The following CSMD3 variants were observed in gnomAD, a reference collection of about 807,000 sequenced individuals.
The protein encoded by CSMD3 is CUB and Sushi multiple domains 3, also known as CUB and sushi domain-containing protein 3.
CSMD3 carries 177 observed loss-of-function variants against 435.2 expected under a neutral mutation model. The ratio of observed to expected loss-of-function variants is 0.41; its 90% CI spans 0.36 to 0.46. CSMD3 has a LOEUF of 0.46. Among genes scored for constraint, CSMD3 ranks in the 20% least tolerant of loss-of-function variants. CSMD3 has a pLI of 0.34. For synonymous variants in CSMD3, 1,656 were observed against 1,520.5 expected, an observed-to-expected ratio of 1.09 and a Z score of -2.07; for missense variants, 4,265 against 4,504.6, an observed-to-expected ratio of 0.95 and a Z score of 1.52.
At chr8:113,020,601 A>T (rs186235804) in intron 5 of CSMD3, among the ~76,000 whole-genome samples, 24 of 152,352 alleles carry the variant, frequency 1.6e-4, no homozygotes, top group African/African-American at 5.5e-4. Flanking sequence ...GTTTCTTAAT[A>T]ACACGTTCTT....
Position 113,305,852 on chromosome 8 carries a change from T to A in CSMD3, c.401+8719A>T, listed in dbSNP as rs1464055626. ...AAATTTTAATTGGCTTTTTTTCTAA[T>A]TCACTTGCATGCCCAATGCCCAATG... On this transcript the variant is annotated intron_variant, in intron 2 of 70. Transcript: ENST00000297405. Among the ~76,000 whole-genome samples the A allele has an allele frequency of 3.3e-5, 5 of 152,226 alleles. No individual in the cohort carries two copies. The East Asian group carries it at 9.6e-4, about 29-fold the overall frequency.
intron 63 of CSMD3, among the ~76,000 whole-genome samples, chr8:112,252,467 C>T (rs1247638229): frequency 6.6e-6 from 1 of 151,842 alleles, no homozygotes; most frequent in Non-Finnish European, 1.5e-5. Context: ...CTGGACATAC[C>T]TGCACAGTAA....
chr8:112,320,221 T>C (rs973382379), intron 45 of CSMD3, among the ~76,000 whole-genome samples: 3 of 152,156 alleles, frequency 2.0e-5, no homozygotes, highest in Non-Finnish European at 4.4e-5. Context: ...GTCCTTCTTG[T>C]TATGTGGTTC....
At chr8:113,182,672 C>A (rs2092439389) in intron 3 of CSMD3, among the ~76,000 whole-genome samples, 1 of 152,002 alleles carries the variant, frequency 6.6e-6, no homozygotes, top group African/African-American at 2.4e-5. Flanking sequence ...TGCCCTCAGG[C>A]CATCAGGGAC....
chr8:113,203,633 C>A (rs566885375), intron 3 of CSMD3, among the ~76,000 whole-genome samples: 4 of 151,850 alleles, frequency 2.6e-5, no homozygotes, highest in African/African-American at 9.7e-5. Context: ...ACCACTGAAG[C>A]GTTTATAGTG....
intron 3 of CSMD3, among the ~76,000 whole-genome samples, chr8:113,236,533 C>G (rs953389833): frequency 3.3e-5 from 5 of 152,056 alleles, no homozygotes; most frequent in African/African-American, 1.2e-4. Flanking sequence ...TCTCTCTCTC[C>G]TGTTGATGTA....
At chr8:112,640,737 C>T (rs1168507067) in intron 20 of CSMD3, among the ~76,000 whole-genome samples, 1 of 151,532 alleles carries the variant, frequency 6.6e-6, no homozygotes, top group Admixed American at 6.6e-5. Flanking sequence ...GGGATTTTGA[C>T]ATAGTAAAGA....
intron 10 of CSMD3, among the ~76,000 whole-genome samples, chr8:112,889,096 G>A (rs544371791): frequency 1.1e-4 from 17 of 151,666 alleles, no homozygotes; most frequent in African/African-American, 4.1e-4. Flanking sequence ...TCTCTAATGG[G>A]AAAAAGGAAA....
intron 32 of CSMD3, among the ~76,000 whole-genome samples, chr8:112,441,876 G>C (rs537923386): frequency 1.3e-5 from 2 of 152,264 alleles, no homozygotes; most frequent in South Asian, 4.1e-4. Flanking sequence ...TTACAATTCA[G>C]ATTACAATTC....
chr8:112,690,628 A>G (rs1259892318), intron 13 of CSMD3, among the ~76,000 whole-genome samples: 1 of 147,352 alleles, frequency 6.8e-6, no homozygotes, highest in Non-Finnish European at 1.5e-5. Context: ...CAAAGGAAGC[A>G]ATCAGTTTTG....
chr8:112,273,255 T>G (rs778563037), intron 59 of CSMD3, among the ~76,000 whole-genome samples: 1 of 150,090 alleles, frequency 6.7e-6, no homozygotes, highest in Non-Finnish European at 1.5e-5. Flanking sequence ...TATTTATCCA[T>G]AAATAAACAA....
rs1250246230 is a variant in CSMD3 at position 112,390,661 on chromosome 8, T to C, written c.5934+3A>G. On this transcript the variant is annotated splice_donor_region_variant and intron_variant, in intron 36 of 70. Transcript: ENST00000297405. ...AAAAGAAGAAAAACTTAAATATTCTTACTTGAATGCCAGCTCCCTCTGGCA... is the reference window on the plus strand; with the variant it reads ...AAAAGAAGAAAAACTTAAATATTCTCACTTGAATGCCAGCTCCCTCTGGCA... 2.5e-6 allele frequency: 4 copies of C among 1,611,844 alleles called. No individual in the cohort carries two copies. The highest frequency in any genetic ancestry group is 1.1e-5 in the South Asian group (1 of 91,034).
At chr8:112,967,382 C>T (rs2084461435) in intron 7 of CSMD3, among the ~76,000 whole-genome samples, 1 of 151,814 alleles carries the variant, frequency 6.6e-6, no homozygotes, top group Non-Finnish European at 1.5e-5. Flanking sequence ...TGGTGTTTTT[C>T]CTACCTATGT....
chr8:112,659,466 T>C (rs2075329702), intron 17 of CSMD3, among the ~76,000 whole-genome samples: 1 of 152,188 alleles, frequency 6.6e-6, no homozygotes, highest in African/African-American at 2.4e-5. Flanking sequence ...AAAAACATTC[T>C]TGATGTAATC....
chr8:113,039,924 A>G (rs9297486), intron 5 of CSMD3, among the ~76,000 whole-genome samples: 90,817 of 152,012 alleles, frequency 0.6, 28,578 homozygotes, highest in East Asian at 0.95. Flanking sequence ...TATGTTGGGT[A>G]CCCTTCTAGG....
chr8:113,288,795 G>A (rs1488551183), intron 2 of CSMD3, among the ~76,000 whole-genome samples: 1 of 151,788 alleles, frequency 6.6e-6, no homozygotes, highest in Non-Finnish European at 1.5e-5. Flanking sequence ...CTTATTAGCA[G>A]TGTAATATTG....
At position 112,363,843 on chromosome 8, in the gene CSMD3, T is replaced by C. The variant is rs554939918; in HGVS notation, c.6137-11309A>G. Among the ~76,000 whole-genome samples, 3 of 152,134 alleles carry C rather than the reference T, an allele frequency of 2.0e-5. No individual in the cohort carries two copies. In the South Asian group the frequency reaches 6.2e-4, roughly 31 times the overall value. On this transcript the variant is annotated intron_variant, in intron 38 of 70. Transcript: ENST00000297405. Reference sequence around the variant, plus strand: ...GCAATGTATTCTGAGTTAATGGCAATTGAAATTAGAAATGACAAATACTAA... The same window carrying C: ...GCAATGTATTCTGAGTTAATGGCAACTGAAATTAGAAATGACAAATACTAA...
chr8:112,511,164 A>G (rs80302596), intron 28 of CSMD3, among the ~76,000 whole-genome samples: 1 of 152,164 alleles, frequency 6.6e-6, no homozygotes, highest in Admixed American at 6.6e-5. Flanking sequence ...TGTTTACACT[A>G]TCTTGTAGTC....
chr8:112,619,867 G>A (rs1274237880), intron 22 of CSMD3, among the ~76,000 whole-genome samples: 1 of 151,852 alleles, frequency 6.6e-6, no homozygotes, highest in East Asian at 1.9e-4. Context: ...CCATAATAGT[G>A]AGACATTAAG....
Sources: allele counts gnomAD v4.1 joint callset (sites outside exome capture counted in the v4.1 genomes callset), GRCh38; gene constraint gnomAD v4.1.1; transcripts MANE v1.5; gene names NCBI Gene and HGNC (gene_info 2026-07-23, HGNC 2026-07-21).